The following PCDHAC2 variants were observed in gnomAD, a reference collection of about 807,000 sequenced individuals.
PCDHAC2 encodes protocadherin alpha-C2.
A neutral mutation model predicts 63.3 loss-of-function variants in PCDHAC2; 24 were observed. That is an observed-to-expected ratio of 0.38 (90% CI 0.27 to 0.53). The LOEUF (loss-of-function observed/expected upper bound fraction) is 0.53. Among genes scored for constraint, PCDHAC2 ranks in the 20% least tolerant of loss-of-function variants. The pLI is 0.81. For missense variants in PCDHAC2, 1,181 were observed against 1,275.2 expected, an observed-to-expected ratio of 0.93 and a Z score of 1.12; for synonymous variants, 569 against 529.4, an observed-to-expected ratio of 1.07 and a Z score of -1.03.
chr5:141,004,142 G>A (rs1323224367), intron 3 of PCDHAC2, among the ~76,000 whole-genome samples: 2 of 152,214 alleles, frequency 1.3e-5, no homozygotes, highest in African/African-American at 4.8e-5. Flanking sequence ...TGCCCCAAAG[G>A]CATGACATTT....
chr5:140,982,615 A>G, intron 3 of PCDHAC2, 52 bp downstream of exon 3: 1 of 1,596,392 alleles, frequency 6.3e-7, no homozygotes, highest in Non-Finnish European at 8.6e-7. Context: ...AAGTGATCAG[A>G]TGACCTACTT....
chr5:140,977,541 G>A (rs1164108305), intron 1 of PCDHAC2, among the ~76,000 whole-genome samples: 2 of 152,188 alleles, frequency 1.3e-5, no homozygotes, highest in Non-Finnish European at 2.9e-5. Context: ...GAAGCAGCTT[G>A]CATATGCATA....
At chr5:140,999,004 A>T (rs2097842745) in intron 3 of PCDHAC2, among the ~76,000 whole-genome samples, 1 of 152,258 alleles carries the variant, frequency 6.6e-6, no homozygotes, top group South Asian at 2.1e-4. Flanking sequence ...GCTGGAGCTG[A>T]GATTTGAACC....
chr5:140,991,838 G>T (rs1056330823), intron 3 of PCDHAC2, among the ~76,000 whole-genome samples: 1 of 152,110 alleles, frequency 6.6e-6, no homozygotes, highest in Non-Finnish European at 1.5e-5. Context: ...CGGCAGAACC[G>T]CACTTCCAGA....
intron 3 of PCDHAC2, among the ~76,000 whole-genome samples, chr5:140,994,425 G>A (rs769335292): frequency 5.3e-5 from 8 of 152,118 alleles, no homozygotes; most frequent in African/African-American, 1.7e-4. Context: ...TATTGAGGCC[G>A]GGCGCAGTGG....
chr5:140,977,518 G>C (rs1328241179), intron 1 of PCDHAC2, among the ~76,000 whole-genome samples: 5 of 152,166 alleles, frequency 3.3e-5, no homozygotes, highest in African/African-American at 7.2e-5. Context: ...TTGTGAACTT[G>C]AAAACAAAGG....
chr5:140,985,283 A>G (rs955144760), intron 3 of PCDHAC2, among the ~76,000 whole-genome samples: 6 of 152,020 alleles, frequency 3.9e-5, no homozygotes, highest in Admixed American at 1.3e-4. Context: ...TCTGCAATCT[A>G]TGATATAGTG....
intron 3 of PCDHAC2, among the ~76,000 whole-genome samples, chr5:140,992,867 C>T (rs2097531825): frequency 6.6e-6 from 1 of 152,184 alleles, no homozygotes; most frequent in Admixed American, 6.5e-5. Context: ...CTCTAGCTCC[C>T]TCCTTGATAT....
At chr5:140,995,557 A>G (rs1032736761) in intron 3 of PCDHAC2, among the ~76,000 whole-genome samples, 2 of 152,252 alleles carry the variant, frequency 1.3e-5, no homozygotes, top group African/African-American at 2.4e-5. Flanking sequence ...ACTGTACTGA[A>G]TAATATGTCA....
In PCDHAC2 at chr5:140,982,645, G is replaced by A. The variant is rs2096993238; in HGVS notation, c.2713+82G>A. 3.3e-6 allele frequency: 5 copies of A among 1,522,444 alleles called. No homozygotes were observed. In the East Asian group the frequency reaches 1.2e-4, roughly 36 times the overall value. 94.3% of individuals were successfully genotyped at this position (1,522,444 alleles called of 1,614,324 possible). A position where few individuals can be genotyped will look rare whatever the true frequency, so the allele number is the denominator to read the frequency against. On this transcript the variant is annotated intron_variant, in intron 3 of 3. Transcript: ENST00000289269. ...CTACTTTTGTAAGATCAGGAATGTT[G>A]ATGGCTCTTTTTCTTTTATATTTTT...
At position 140,982,510 on chromosome 5, in the gene PCDHAC2, C is replaced by T; in HGVS notation, c.2660C>T (p.Ala887Val). 6.2e-7 allele frequency: 1 copy of T among 1,614,170 alleles called. No homozygotes were observed. The highest frequency in any genetic ancestry group is 8.5e-7 in the Non-Finnish European group (1 of 1,180,020). The change falls in exon 3 of 4, where the codon GCT becomes GTT. Residue 887 changes from alanine to valine, a missense_variant. Ala to Val is a moderately conservative substitution (Grantham distance 64, BLOSUM62 0). Coordinates refer to ENST00000289269, the MANE Select transcript of PCDHAC2 (RefSeq NM_018899.6). ...CTAGAGGAGGCTGGCATTCTACGGGCTGGTCCAGGAGGGCCTGATCAGCAG... is the reference window on the plus strand; with the variant it reads ...CTAGAGGAGGCTGGCATTCTACGGGTTGGTCCAGGAGGGCCTGATCAGCAG... ...VHLEEAGILR[A>V]GPGGPDQQWP...
intron 1 of PCDHAC2, among the ~76,000 whole-genome samples, chr5:140,972,039 C>A (rs1274808907): frequency 2.6e-5 from 4 of 152,150 alleles, no homozygotes; most frequent in African/African-American, 9.7e-5. Context: ...TTTAAGCTAT[C>A]ACTAATTCAC....
intron 3 of PCDHAC2, among the ~76,000 whole-genome samples, chr5:141,000,496 C>T (rs1257530549): frequency 7.4e-6 from 1 of 134,362 alleles, no homozygotes; most frequent in Non-Finnish European, 1.5e-5. Context: ...GGTAAGATCT[C>T]GGCTCACTGC....
At chr5:140,975,491 C>T (rs2153807371) in intron 1 of PCDHAC2, among the ~76,000 whole-genome samples, 1 of 152,274 alleles carries the variant, frequency 6.6e-6, no homozygotes, top group Middle Eastern at 3.4e-3. Flanking sequence ...TATCAATGTT[C>T]ATAAAATAGC....
intron 3 of PCDHAC2, among the ~76,000 whole-genome samples, chr5:141,007,365 A>G (rs1027558453): frequency 6.7e-6 from 1 of 149,886 alleles, no homozygotes; most frequent in African/African-American, 2.5e-5. Context: ...AGCCTGGGCA[A>G]CATGATGGAA....
intron 1 of PCDHAC2, among the ~76,000 whole-genome samples, chr5:140,975,953 T>A (rs1554237158): frequency 6.6e-6 from 1 of 152,084 alleles, no homozygotes; most frequent in Non-Finnish European, 1.5e-5. Context: ...CATATTAGAG[T>A]TCTTCACCAA....
At chr5:140,969,553 G>T in intron 1 of PCDHAC2, 1 of 1,229,652 alleles carries the variant, frequency 8.1e-7, no homozygotes, top group Non-Finnish European at 1.1e-6. Flanking sequence ...ATGAAGCCTT[G>T]TCCATAAAAT....
At position 140,966,709 on chromosome 5, in the gene PCDHAC2, G is replaced by C; in HGVS notation, c.-58G>C. The C allele has an allele frequency of 7.2e-7, 1 of 1,387,174 alleles. No individual in the cohort carries two copies. The allele number at this position is 1,387,174 out of a possible 1,614,324, so 85.9% of individuals were successfully genotyped here. A position where few individuals can be genotyped will look rare whatever the true frequency, so the allele number is the denominator to read the frequency against. ...GAGGCGGGGCCCGGGCGTGGGGCAC[G>C]GCTGGGGAAGCTGCCGCCTCCGGCC... On this transcript the variant is annotated 5_prime_UTR_variant, in exon 1 of 4. Coordinates refer to ENST00000289269, the MANE Select transcript of PCDHAC2 (RefSeq NM_018899.6).
At chr5:140,979,525 T>A (rs1347519268) in intron 2 of PCDHAC2, among the ~76,000 whole-genome samples, 1 of 152,244 alleles carries the variant, frequency 6.6e-6, no homozygotes, top group Non-Finnish European at 1.5e-5. Flanking sequence ...TGTTGCTATC[T>A]TATTGTCATC....
Sources: gnomAD v4.1 joint callset for allele counts (sites outside exome capture counted in the v4.1 genomes callset) on GRCh38, gnomAD v4.1.1 for gene constraint, MANE v1.5 for transcripts, NCBI Gene and HGNC (gene_info 2026-07-23, HGNC 2026-07-21) for gene names.